ATRNL1: variants seen among roughly 807,000 people sequenced by gnomAD.
ATRNL1 encodes attractin-like protein 1.
Under a neutral mutation model 182.7 loss-of-function variants are expected in ATRNL1, and 95 were observed. The observed-to-expected ratio is 0.52, with a 90% CI of 0.44 to 0.62. The LOEUF is 0.62. Ranked by LOEUF, ATRNL1 falls within the 20% of genes least tolerant of loss-of-function variation. ATRNL1 has a pLI of 0.00. For missense variants in ATRNL1, 1,471 were observed against 1,679.5 expected, an observed-to-expected ratio of 0.88 and a Z score of 2.17; for synonymous variants, 576 against 568.3, an observed-to-expected ratio of 1.01 and a Z score of -0.19.
intron 18 of ATRNL1, among the ~76,000 whole-genome samples, chr10:115,322,020 A>G (rs1237269937): frequency 2.0e-5 from 3 of 152,084 alleles, no homozygotes; most frequent in Non-Finnish European, 4.4e-5. Flanking sequence ...TACAGTAGCT[A>G]CAAATAATTA....
chr10:115,853,467 GT>G (rs1555101053), intron 28 of ATRNL1, among the ~76,000 whole-genome samples: 1 of 152,166 alleles, frequency 6.6e-6, no homozygotes, highest in African/African-American at 2.4e-5. Flanking sequence ...CTGGCTCACA[GT>G]GTAGTACTTT....
chr10:115,744,106 A>T (rs1948221469), intron 27 of ATRNL1, among the ~76,000 whole-genome samples: 1 of 152,164 alleles, frequency 6.6e-6, no homozygotes, highest in African/African-American at 2.4e-5. Flanking sequence ...TGTATTGCAT[A>T]TGTGGCCTCT....
chr10:115,355,004 A>AT (rs1422759527), intron 19 of ATRNL1, among the ~76,000 whole-genome samples: 4 of 151,820 alleles, frequency 2.6e-5, no homozygotes, highest in Admixed American at 6.6e-5. Flanking sequence ...AGCTCGAGTG[A>AT]TTTTTTATTG....
At chr10:115,190,041 G>A (rs897854470) in intron 8 of ATRNL1, among the ~76,000 whole-genome samples, 7 of 151,986 alleles carry the variant, frequency 4.6e-5, no homozygotes, top group South Asian at 2.1e-4. Flanking sequence ...CGGGTTTTTC[G>A]TTCAGGAGCA....
intron 11 of ATRNL1, among the ~76,000 whole-genome samples, chr10:115,266,357 T>C (rs1554910676): frequency 6.6e-6 from 1 of 151,748 alleles, no homozygotes; most frequent in Non-Finnish European, 1.5e-5. Flanking sequence ...TATTGAAAAG[T>C]TATAATTCTA....
intron 26 of ATRNL1, among the ~76,000 whole-genome samples, chr10:115,667,619 A>G (rs1861075087): frequency 6.6e-6 from 1 of 151,752 alleles, no homozygotes; most frequent in African/African-American, 2.4e-5. Context: ...GAACTGGTCC[A>G]GCATTACATC....
At chr10:115,108,893 G>A (rs1246041873) in intron 1 of ATRNL1, among the ~76,000 whole-genome samples, 1 of 152,112 alleles carries the variant, frequency 6.6e-6, no homozygotes, top group African/African-American at 2.4e-5. Context: ...CTTCCATGAA[G>A]CACTCAGATA....
chr10:115,438,134 C>A (rs941537889), intron 21 of ATRNL1, among the ~76,000 whole-genome samples: 2 of 151,926 alleles, frequency 1.3e-5, no homozygotes, highest in Non-Finnish European at 2.9e-5. Flanking sequence ...AGAAACAATT[C>A]AAAATTTATA....
intron 18 of ATRNL1, among the ~76,000 whole-genome samples, chr10:115,320,977 T>C (rs1854553823): frequency 6.6e-6 from 1 of 152,158 alleles, no homozygotes; most frequent in South Asian, 2.1e-4. Context: ...TTGGCATTTT[T>C]GTTGTTGTTG....
At chr10:115,558,099 A>G (rs1316334941) in intron 26 of ATRNL1, among the ~76,000 whole-genome samples, 1 of 152,094 alleles carries the variant, frequency 6.6e-6, no homozygotes, top group Non-Finnish European at 1.5e-5. Context: ...ACCTGGAAAT[A>G]GTTTTAAGTG....
chr10:115,933,092 A>G (rs968602102), intron 28 of ATRNL1, among the ~76,000 whole-genome samples: 1 of 152,230 alleles, frequency 6.6e-6, no homozygotes, highest in Non-Finnish European at 1.5e-5. Flanking sequence ...CCCTTTGGCA[A>G]GCAATTCCTT....
intron 24 of ATRNL1, among the ~76,000 whole-genome samples, chr10:115,489,790 C>T (rs1849207719): frequency 6.6e-6 from 1 of 152,020 alleles, no homozygotes; most frequent in South Asian, 2.1e-4. Context: ...GTTATTTTGC[C>T]TGTTAGTTGA....
chr10:115,647,114 T>C (rs1194966391), intron 26 of ATRNL1, among the ~76,000 whole-genome samples: 1 of 152,124 alleles, frequency 6.6e-6, no homozygotes, highest in East Asian at 1.9e-4. Flanking sequence ...TCCATGTCCC[T>C]ACAAAGGACA....
intron 27 of ATRNL1, among the ~76,000 whole-genome samples, chr10:115,786,079 A>G (rs565748341): frequency 6.6e-6 from 1 of 152,298 alleles, no homozygotes; most frequent in East Asian, 1.9e-4. Context: ...CTTTCTCTAC[A>G]GCTTCCCTCA....
At chr10:115,182,511 A>G (rs1241276575) in intron 8 of ATRNL1, among the ~76,000 whole-genome samples, 2 of 151,596 alleles carry the variant, frequency 1.3e-5, no homozygotes, top group African/African-American at 2.4e-5. Flanking sequence ...GAGATTCACC[A>G]TAATATCAGT....
chr10:115,135,071 C>T (rs1434743474), intron 5 of ATRNL1, among the ~76,000 whole-genome samples: 35 of 152,004 alleles, frequency 2.3e-4, no homozygotes, highest in African/African-American at 8.2e-4. Context: ...AAACCCACAG[C>T]CAATATCATA....
chr10:115,268,525 G>A (rs1295583890), intron 13 of ATRNL1, 81 bp downstream of exon 13: 5 of 1,009,874 alleles, frequency 5.0e-6, no homozygotes, highest in Non-Finnish European at 7.8e-6. Context: ...TAGTAGCACT[G>A]TAGAAAAAAA....
Position 115,266,861 on chromosome 10 carries a change from C to T in ATRNL1, c.1837C>T (p.Pro613Ser), listed in dbSNP as rs1851629489. The T allele has an allele frequency of 6.2e-7, 1 of 1,611,998 alleles. No homozygotes were observed. Among genetic ancestry groups the T allele is most frequent in the African/African-American group, 1.3e-5 (1 of 74,800 alleles). The change falls in exon 12 of 29, where the codon CCA becomes TCA. Residue 613 changes from proline to serine, a missense_variant. By Grantham distance (74) the Pro-to-Ser change is moderately conservative. This residue lies in a region of ATRNL1 where 1,031 missense variants were observed against 1,156.0 expected (regional missense o/e 0.89). Coordinates refer to ENST00000355044, the MANE Select transcript of ATRNL1 (RefSeq NM_207303.4). ...TAATGATATCCTTGTATACAAGCCT[C>T]CAAATTGCAAGGCTTTCAGAGATGA... ...LLNDILVYKP[P>S]NCKAFRDEEL...
At chr10:115,723,512 A>T (rs1462255084) in intron 26 of ATRNL1, among the ~76,000 whole-genome samples, 1 of 138,526 alleles carries the variant, frequency 7.2e-6, no homozygotes, top group Admixed American at 7.9e-5. Flanking sequence ...GTCAAATTTA[A>T]GCGTAGATAT....
Sources: allele counts gnomAD v4.1 joint callset (sites outside exome capture counted in the v4.1 genomes callset), GRCh38; gene constraint gnomAD v4.1.1; regional missense constraint gnomAD v4.1.1; transcripts MANE v1.5; gene names NCBI Gene and HGNC (gene_info 2026-07-23, HGNC 2026-07-21).